TACC2: variants seen among roughly 807,000 people sequenced by gnomAD.
TACC2 encodes transforming acidic coiled-coil-containing protein 2.
A neutral mutation model predicts 227.3 loss-of-function variants in TACC2; 137 were observed. That is an observed-to-expected ratio of 0.60 (90% CI 0.52 to 0.69). The LOEUF (loss-of-function observed/expected upper bound fraction) is 0.69, where lower values mean the gene tolerates loss of function less well. TACC2 is among the 30% of genes least tolerant of loss of function. The probability of loss-of-function intolerance (pLI) is 0.00; values close to 1 mark genes in which losing one functional copy is unlikely to be tolerated. For missense variants in TACC2, 3,470 were observed against 3,694.4 expected, an observed-to-expected ratio of 0.94 and a Z score of 1.57; for synonymous variants, 1,523 against 1,487.5, an observed-to-expected ratio of 1.02 and a Z score of -0.55.
intron 1 of TACC2, among the ~76,000 whole-genome samples, chr10:122,016,317 C>T (rs1229578501): frequency 6.7e-6 from 1 of 150,286 alleles, no homozygotes; most frequent in African/African-American, 2.5e-5. Flanking sequence ...GCCTATAATC[C>T]CAGTACTTTT....
rs777557684 is a variant in TACC2 at position 122,084,459 on chromosome 10, G to A, written c.1959G>A (p.Glu653=). ...HTDGPHSQTA[E]ADASGLPHKL... The stretch of plus-strand genomic sequence containing the variant: ...ACGGGCCCCACTCTCAGACAGCAGA[G>A]GCTGATGCATCTGGCCTACCACACA... The change falls in exon 4 of 23, where the codon GAG becomes GAA. Residue 653 remains glutamate, a synonymous_variant. Transcript: ENST00000369005. 1.9e-6 allele frequency: 3 copies of A among 1,612,968 alleles called. No individual in the cohort carries two copies. Among genetic ancestry groups the A allele is most frequent in the African/African-American group, 2.7e-5 (2 of 74,944 alleles).
intron 1 of TACC2, among the ~76,000 whole-genome samples, chr10:122,016,233 G>T (rs1349078109): frequency 7.0e-6 from 1 of 143,490 alleles, no homozygotes; most frequent in African/African-American, 2.6e-5. Flanking sequence ...CTGCACTCCA[G>T]CCTGGGTGAC....
chr10:122,015,303 G>A (rs545067097), intron 1 of TACC2, among the ~76,000 whole-genome samples: 42 of 152,128 alleles, frequency 2.8e-4, no homozygotes, highest in Non-Finnish European at 5.1e-4. Context: ...TCAGGAGGTC[G>A]AGACCAGCCT....
intron 8 of TACC2, among the ~76,000 whole-genome samples, chr10:122,204,674 A>G (rs372095960): frequency 6.6e-6 from 1 of 152,196 alleles, no homozygotes; most frequent in South Asian, 2.1e-4. Flanking sequence ...CATCTCTACA[A>G]AAAATTTAAA....
chr10:122,004,164 G>A (rs1245870055), intron 1 of TACC2, among the ~76,000 whole-genome samples: 2 of 151,996 alleles, frequency 1.3e-5, no homozygotes, highest in South Asian at 2.1e-4. Flanking sequence ...TTGGGAGGCC[G>A]AGGTGGGTGG....
chr10:122,200,061 G>C (rs1390314262), intron 8 of TACC2, among the ~76,000 whole-genome samples: 1 of 152,364 alleles, frequency 6.6e-6, no homozygotes, highest in Non-Finnish European at 1.5e-5. Flanking sequence ...GCTGAGGGCC[G>C]AGCCTTTTCA....
chr10:122,059,037 C>G (rs867220184), intron 3 of TACC2, among the ~76,000 whole-genome samples: 1 of 150,056 alleles, frequency 6.7e-6, no homozygotes, highest in Non-Finnish European at 1.5e-5. Context: ...GGATTACAGG[C>G]GCCTGCCACT....
chr10:122,190,758 G>A (rs950140847), intron 7 of TACC2, among the ~76,000 whole-genome samples: 1 of 152,106 alleles, frequency 6.6e-6, no homozygotes. Context: ...GATGTGCAGC[G>A]GGGGGAGAAA....
chr10:122,030,532 G>A (rs1391808469), intron 2 of TACC2, among the ~76,000 whole-genome samples: 6 of 152,012 alleles, frequency 3.9e-5, no homozygotes, highest in African/African-American at 1.4e-4. Flanking sequence ...CTGGTGTGGG[G>A]GTTCAATACC....
intron 19 of TACC2, among the ~76,000 whole-genome samples, chr10:122,243,231 G>A (rs1218152568): frequency 1.3e-5 from 2 of 152,258 alleles, no homozygotes; most frequent in African/African-American, 2.4e-5. Flanking sequence ...GGCGTGAGCC[G>A]CTGCACCTGG....
rs761259077 is a variant in TACC2 at position 122,085,037 on chromosome 10, A to G, written c.2537A>G (p.Lys846Arg). 1.2e-6 allele frequency: 2 copies of G among 1,614,080 alleles called. No individual in the cohort carries two copies. The highest frequency in any genetic ancestry group is 2.7e-5 in the African/African-American group (2 of 74,926). Residue 846 changes from lysine to arginine, a missense_variant, in exon 4 of 23, where the codon AAG (lysine) becomes AGG (arginine). By Grantham distance (26) the Lys-to-Arg change is conservative. Transcript: ENST00000369005. Reference protein sequence around the residue: ...QPETSIFDVLKEQAQPPENGK... With the variant: ...QPETSIFDVLREQAQPPENGK... ...GAGACATCCATCTTTGACGTGCTCA[A>G]GGAGCAGGCCCAGCCACCTGAAAAT...
intron 1 of TACC2, among the ~76,000 whole-genome samples, chr10:122,021,645 T>A (rs753973879): frequency 2.8e-4 from 42 of 152,156 alleles, no homozygotes; most frequent in Admixed American, 2.7e-3. Flanking sequence ...TCCGTTTGTA[T>A]ATATACGTAT....
intron 1 of TACC2, among the ~76,000 whole-genome samples, chr10:122,017,618 A>T (rs1591088778): frequency 6.6e-6 from 1 of 151,824 alleles, no homozygotes; most frequent in South Asian, 2.1e-4. Context: ...GGAGTTGGAG[A>T]CCAACCTGGC....
chr10:122,054,363 G>C (rs1591508301), intron 3 of TACC2, among the ~76,000 whole-genome samples: 1 of 152,210 alleles, frequency 6.6e-6, no homozygotes, highest in African/African-American at 2.4e-5. Flanking sequence ...AACCCCAGTA[G>C]CATCTCTTTC....
Position 122,026,120 on chromosome 10 carries a change from C to T in TACC2, c.33+4106C>T, listed in dbSNP as rs181425661. On this transcript the variant is annotated intron_variant, in intron 2 of 22. Transcript: ENST00000369005. ...GATCATGAGGTCAGGAGATGGAGAC[C>T]ATCCTGGCTAACACGGTGAAACCCC... Among the ~76,000 whole-genome samples, 808 of 146,046 alleles carry T rather than the reference C, an allele frequency of 5.5e-3. 9 individuals are homozygous for T. The highest frequency in any genetic ancestry group is 0.019 in the African/African-American group (762 of 39,742).
chr10:121,990,670 C>T (rs1019464372), intron 1 of TACC2, among the ~76,000 whole-genome samples: 3 of 152,180 alleles, frequency 2.0e-5, no homozygotes, highest in Non-Finnish European at 2.9e-5. Context: ...ACTACCAGGC[C>T]GTCACTGCTT....
intron 6 of TACC2, among the ~76,000 whole-genome samples, chr10:122,139,206 C>G (rs962642883): frequency 1.3e-5 from 2 of 152,220 alleles, no homozygotes; most frequent in Admixed American, 6.5e-5. Context: ...AGCACGGGCT[C>G]TCTCTGTGAA....
At chr10:122,102,477 C>T (rs913736033) in intron 5 of TACC2, among the ~76,000 whole-genome samples, 7 of 152,194 alleles carry the variant, frequency 4.6e-5, no homozygotes, top group South Asian at 2.1e-4. Flanking sequence ...CACACTACTG[C>T]GGCTGATCCA....
chr10:122,171,279 G>T (rs895676500), intron 7 of TACC2, among the ~76,000 whole-genome samples: 1 of 152,044 alleles, frequency 6.6e-6, no homozygotes, highest in African/African-American at 2.4e-5. Flanking sequence ...GGAAGTGGAT[G>T]GATGCAGCTC....
Sources: allele counts gnomAD v4.1 joint callset (sites outside exome capture counted in the v4.1 genomes callset), GRCh38; gene constraint gnomAD v4.1.1; transcripts MANE v1.5; gene names NCBI Gene and HGNC (gene_info 2026-07-23, HGNC 2026-07-21).